The following FRK variants were observed in gnomAD, a reference collection of about 807,000 sequenced individuals.
The protein encoded by FRK is fyn related Src family tyrosine kinase, also known as tyrosine-protein kinase FRK.
FRK carries 51 observed loss-of-function variants against 56.4 expected under a neutral mutation model. That is an observed-to-expected ratio of 0.90 (90% CI 0.72 to 1.14). The LOEUF is 1.14. Ranked by LOEUF, FRK falls within the 50% of genes most tolerant of loss-of-function variation. FRK has a pLI of 0.00. For missense variants in FRK, 570 were observed against 601.4 expected (o/e 0.95, Z 0.55); for synonymous variants, 245 against 217.9 (o/e 1.12, Z -1.10).
intron 1 of FRK, among the ~76,000 whole-genome samples, chr6:116,029,778 A>G (rs1776232034): frequency 6.6e-6 from 1 of 152,136 alleles, no homozygotes; most frequent in Admixed American, 6.6e-5. Context: ...CTAGAATGCA[A>G]ATCCAGATCT....
chr6:116,005,865 T>A (rs184420671), intron 1 of FRK, among the ~76,000 whole-genome samples: 1 of 152,288 alleles, frequency 6.6e-6, no homozygotes, highest in Admixed American at 6.5e-5. Context: ...AAAAAACTGA[T>A]GCTACCTACA....
At chr6:116,031,248 A>G (rs963155337) in intron 1 of FRK, among the ~76,000 whole-genome samples, 1 of 152,134 alleles carries the variant, frequency 6.6e-6, no homozygotes, top group Non-Finnish European at 1.5e-5. Flanking sequence ...TAGAAGTAAA[A>G]AAGTGGAATA....
chr6:115,990,710 G>A (rs760505997), intron 2 of FRK, among the ~76,000 whole-genome samples: 1 of 151,848 alleles, frequency 6.6e-6, no homozygotes, highest in Non-Finnish European at 1.5e-5. Flanking sequence ...GTAATGTGAT[G>A]CCTCCAACTT....
the FRK span, among the ~76,000 whole-genome samples, chr6:116,071,089 T>C: frequency 6.6e-6 from 1 of 152,296 alleles, no homozygotes; most frequent in East Asian, 1.9e-4. Context: ...TAGCTCATTT[T>C]GGAAAAGTAA....
chr6:115,992,067 TTC>T (rs771127642), intron 2 of FRK, among the ~76,000 whole-genome samples: 1 of 151,870 alleles, frequency 6.6e-6, no homozygotes, highest in Non-Finnish European at 1.5e-5. Context: ...CTCTTTTTGT[TTC>T]TTTCTTTTAG....
intron 1 of FRK, among the ~76,000 whole-genome samples, chr6:116,035,932 T>A (rs905763718): frequency 4.1e-4 from 62 of 152,106 alleles, no homozygotes; most frequent in Non-Finnish European, 5.9e-5. Context: ...TCCCTATTCT[T>A]ATCCTTCTTT....
rs747397567 is a variant in FRK at position 115,967,600 on chromosome 6, T to C, written c.750A>G (p.Glu250=). ...CTGGAGTGGTATTGTTCCACAGACC[T>C]TCCCATACTTCGCCAAACTGACCAG... ...LGSGQFGEVW[E]GLWNNTTPVA... is the part of the protein sequence containing the mutation. The change falls in exon 4 of 8, where the codon GAA becomes GAG. Residue 250 remains glutamate (E), a synonymous_variant. Transcript: ENST00000606080. The C allele has an allele frequency of 6.2e-7, 1 of 1,613,772 alleles. No homozygotes were observed. The highest frequency in any genetic ancestry group is 8.5e-7 in the Non-Finnish European group (1 of 1,179,830).
At chr6:116,007,799 A>G (rs149071528) in intron 1 of FRK, among the ~76,000 whole-genome samples, 49 of 152,290 alleles carry the variant, frequency 3.2e-4, no homozygotes, top group African/African-American at 1.2e-3. Flanking sequence ...CAGGCAATTT[A>G]ATGGTTTCAA....
chr6:115,958,812 AAG>A (rs1268656987), intron 4 of FRK, among the ~76,000 whole-genome samples: 1,592 of 73,946 alleles, frequency 0.022, 75 homozygotes, highest in South Asian at 0.046. Flanking sequence ...GAAAGAAAGA[AAG>A]AAAGAAAAAG....
At chr6:115,957,869 A>G (rs1176920761) in intron 4 of FRK, among the ~76,000 whole-genome samples, 1 of 152,230 alleles carries the variant, frequency 6.6e-6, no homozygotes, top group African/African-American at 2.4e-5. Flanking sequence ...CTAATAATTT[A>G]CTGACATTGT....
intron 5 of FRK, among the ~76,000 whole-genome samples, chr6:115,944,796 G>A (rs1772358321): frequency 6.6e-6 from 1 of 151,880 alleles, no homozygotes; most frequent in African/African-American, 2.4e-5. Context: ...GTCATGGGGG[G>A]GTTATTGCAC....
chr6:116,066,343 C>T, the FRK span, among the ~76,000 whole-genome samples: 1 of 152,080 alleles, frequency 6.6e-6, no homozygotes, highest in African/African-American at 2.4e-5. Context: ...CGGACTGGCT[C>T]TCCTTGTTCC....
At chr6:116,100,533 G>C in the FRK span, among the ~76,000 whole-genome samples, 1 of 152,042 alleles carries the variant, frequency 6.6e-6, no homozygotes, top group African/African-American at 2.4e-5. Context: ...AGGCGATGGA[G>C]TGTCCCGGTT....
intron 2 of FRK, among the ~76,000 whole-genome samples, chr6:115,990,229 C>G (rs976302143): frequency 6.6e-6 from 1 of 151,908 alleles, no homozygotes; most frequent in African/African-American, 2.4e-5. Context: ...TGTAGGCTGC[C>G]TGTTTACTCT....
chr6:116,071,073 T>C, the FRK span, among the ~76,000 whole-genome samples: 1 of 152,142 alleles, frequency 6.6e-6, no homozygotes, highest in Non-Finnish European at 1.5e-5. Context: ...CCTTGGAAGA[T>C]AAGAGTAGCT....
chr6:116,090,393 C>T, the FRK span, among the ~76,000 whole-genome samples: 1 of 152,206 alleles, frequency 6.6e-6, no homozygotes, highest in Admixed American at 6.5e-5. Context: ...GGTGACCTCA[C>T]CTTCCCCCAT....
chr6:116,019,076 C>A (rs963110725), intron 1 of FRK, among the ~76,000 whole-genome samples: 8 of 152,180 alleles, frequency 5.3e-5, no homozygotes, highest in African/African-American at 1.9e-4. Flanking sequence ...GGTAGGAAAG[C>A]CTTCCTCTAC....
At chr6:116,038,855 C>T (rs1776595528) in intron 1 of FRK, 2 of 537,610 alleles carry the variant, frequency 3.7e-6, no homozygotes, top group Non-Finnish European at 7.4e-6. Context: ...GGCCAAGGTG[C>T]CGGCCAACAC....
At chr6:115,994,715 A>T (rs1774768857) in intron 2 of FRK, among the ~76,000 whole-genome samples, 1 of 152,092 alleles carries the variant, frequency 6.6e-6, no homozygotes, top group African/African-American at 2.4e-5. Context: ...TTGGGAGGCG[A>T]TTAAATTTAA....
Sources: allele counts gnomAD v4.1 joint callset (sites outside exome capture counted in the v4.1 genomes callset), GRCh38; gene constraint gnomAD v4.1.1; transcripts MANE v1.5; gene names NCBI Gene and HGNC (gene_info 2026-07-23, HGNC 2026-07-21).